The following OR51B5 variants were observed in gnomAD, a reference collection of about 807,000 sequenced individuals.
OR51B5 encodes the protein olfactory receptor 51B5.
For synonymous variants in OR51B5, 186 were observed against 144.8 expected, an observed-to-expected ratio of 1.28 and a Z score of -2.04; for missense variants, 456 against 374.6, an observed-to-expected ratio of 1.22 and a Z score of -1.79.
At chr11:5,353,284 A>G (rs4345997) in intron 1 of OR51B5, among the ~76,000 whole-genome samples, 18,531 of 152,214 alleles carry the variant, frequency 0.12, 1,294 homozygotes, top group Non-Finnish European at 0.16. Context: ...ATTTGAAAAC[A>G]GAGATATAAT....
chr11:5,409,268 T>G (rs1487318636), intron 1 of OR51B5, among the ~76,000 whole-genome samples: 1 of 152,152 alleles, frequency 6.6e-6, no homozygotes, highest in Non-Finnish European at 1.5e-5. Flanking sequence ...AGCCATTTTC[T>G]TTCCCTGGAG....
chr11:5,422,478 G>T (rs955143070), intron 1 of OR51B5: 1 of 1,614,178 alleles, frequency 6.2e-7, no homozygotes, highest in South Asian at 1.1e-5. Context: ...AACGTTCGTA[G>T]AATCAGCTCT....
intron 1 of OR51B5, among the ~76,000 whole-genome samples, chr11:5,434,415 G>T (rs1311382567): frequency 1.3e-5 from 2 of 152,148 alleles, no homozygotes; most frequent in African/African-American, 4.8e-5. Flanking sequence ...ACTTGGATTT[G>T]CTTATAACAC....
chr11:5,497,540 G>A (rs1851667561), intron 1 of OR51B5, among the ~76,000 whole-genome samples: 1 of 152,138 alleles, frequency 6.6e-6, no homozygotes. Flanking sequence ...CAGAACACTT[G>A]GGACTACCAG....
chr11:5,361,032 C>G (rs1849276481), intron 1 of OR51B5, among the ~76,000 whole-genome samples: 3 of 151,866 alleles, frequency 2.0e-5, no homozygotes, highest in African/African-American at 7.3e-5. Flanking sequence ...GGAGATATAC[C>G]TAATGCTAAG....
Position 5,444,488 on chromosome 11 carries a change from C to T in OR51B5, n.84+61081G>A, listed in dbSNP as rs117043464. 3.0e-3 allele frequency among the ~76,000 whole-genome samples: 458 copies of T among 152,132 alleles called. 2 individuals are homozygous for T. Among genetic ancestry groups the T allele is most frequent in the Non-Finnish European group, 5.5e-3 (372 of 67,994 alleles). Reference sequence around the variant, plus strand: ...AGTTTGGAAGGGGTCAGATTTGGCTCACATTTAGAAGGGGAGATATAAGGG... The same window carrying T: ...AGTTTGGAAGGGGTCAGATTTGGCTTACATTTAGAAGGGGAGATATAAGGG... On this transcript the variant is annotated intron_variant and non_coding_transcript_variant, in intron 1 of 4. Coordinates refer to the OR51B5 transcript ENST00000415970.
chr11:5,445,153 T>C (rs1850742129), intron 1 of OR51B5, among the ~76,000 whole-genome samples: 1 of 152,118 alleles, frequency 6.6e-6, no homozygotes, highest in African/African-American at 2.4e-5. Context: ...ATTGATTATA[T>C]AGACCAATTT....
chr11:5,352,109 T>G (rs2133688250), intron 1 of OR51B5: 1 of 1,614,216 alleles, frequency 6.2e-7, no homozygotes, highest in East Asian at 2.2e-5. Context: ...GTTGTAGTTT[T>G]ATTTGCAATG....
rs189638687 is a variant in OR51B5 at position 5,364,480 on chromosome 11, A to G, written n.85-17570T>C. ...ATTCCTGCCATATTTGTAATTCTCA[A>G]TGGTCAGTCTCCTTGCTGGACTATA... is the stretch of plus-strand genomic sequence containing the variant. On this transcript the variant is annotated intron_variant and non_coding_transcript_variant, in intron 1 of 4. Transcript: ENST00000415970. 2.6e-5 allele frequency among the ~76,000 whole-genome samples: 4 copies of G among 152,316 alleles called. No individual in the cohort carries two copies. The East Asian group carries it at 7.7e-4, about 29-fold the overall frequency.
intron 1 of OR51B5, among the ~76,000 whole-genome samples, chr11:5,492,932 G>A (rs1388112472): frequency 2.0e-5 from 3 of 152,114 alleles, no homozygotes; most frequent in Non-Finnish European, 4.4e-5. Context: ...ACCACACCCA[G>A]CCAGACTCTC....
intron 1 of OR51B5, among the ~76,000 whole-genome samples, chr11:5,406,827 G>T (rs1471968415): frequency 1.3e-5 from 2 of 152,068 alleles, no homozygotes; most frequent in Non-Finnish European, 2.9e-5. Context: ...CTTAAGGAAT[G>T]TATCAATTTA....
intron 1 of OR51B5, among the ~76,000 whole-genome samples, chr11:5,363,023 A>AAAT (rs1849308796): frequency 7.4e-5 from 1 of 13,528 alleles, no homozygotes; most frequent in Admixed American, 4.8e-4. Context: ...TGAAGGTTGA[A>AAAT]AACAAGGAAA....
At chr11:5,443,525 T>C (rs1589998773) in intron 1 of OR51B5, among the ~76,000 whole-genome samples, 2 of 151,110 alleles carry the variant, frequency 1.3e-5, no homozygotes, top group South Asian at 4.2e-4. Flanking sequence ...TTTTTTTTTC[T>C]TTACCTTTGC....
intron 1 of OR51B5, chr11:5,440,733 G>C (rs61737027): frequency 1.9e-6 from 3 of 1,613,974 alleles, no homozygotes; most frequent in Non-Finnish European, 2.5e-6. Flanking sequence ...GTGAATCATG[G>C]AGACAGCAAT....
chr11:5,421,611 A>T (rs1366633049), intron 1 of OR51B5, among the ~76,000 whole-genome samples: 1 of 152,040 alleles, frequency 6.6e-6, no homozygotes, highest in Non-Finnish European at 1.5e-5. Flanking sequence ...ATCAGAAGAC[A>T]TTAGCTAATG....
intron 1 of OR51B5, among the ~76,000 whole-genome samples, chr11:5,421,104 C>T (rs1286150332): frequency 1.1e-4 from 16 of 152,230 alleles, no homozygotes; most frequent in Admixed American, 9.8e-4. Context: ...TTCAATATGG[C>T]TTTCTAACTT....
intron 1 of OR51B5, chr11:5,393,145 A>T (rs1281129484): frequency 6.6e-6 from 1 of 152,122 alleles, no homozygotes; most frequent in Non-Finnish European, 1.5e-5. Flanking sequence ...TTGTGGCAAA[A>T]TTTTTTTCCT....
chr11:5,440,597 G>C, intron 1 of OR51B5: 2 of 1,613,426 alleles, frequency 1.2e-6, no homozygotes, highest in Non-Finnish European at 1.7e-6. Flanking sequence ...GGAAGAACTT[G>C]AGAATCCCTT....
At chr11:5,489,107 G>A (rs759563425) in intron 1 of OR51B5, 9 of 1,613,906 alleles carry the variant, frequency 5.6e-6, no homozygotes, top group Non-Finnish European at 7.6e-6. Flanking sequence ...AACCCATTAA[G>A]GTACACAACC....
Sources: allele counts gnomAD v4.1 joint callset (sites outside exome capture counted in the v4.1 genomes callset), GRCh38; gene constraint gnomAD v4.1.1; transcripts MANE v1.5; gene names NCBI Gene and HGNC (gene_info 2026-07-23, HGNC 2026-07-21).